The following LSM3 variants were observed in gnomAD, a reference collection of about 807,000 sequenced individuals.
LSM3 encodes LSM3 homolog, U6 small nuclear RNA and mRNA degradation associated.
LSM3 carries 14 observed loss-of-function variants against 15.4 expected under a neutral mutation model. That is an observed-to-expected ratio of 0.91 (90% confidence interval 0.60 to 1.42). The LOEUF is 1.42. LSM3 is among the 40% of genes most tolerant of loss of function. The pLI, the probability that LSM3 is intolerant of heterozygous loss-of-function variation, is 0.00. For missense variants in LSM3, 88 were observed against 127.9 expected, an observed-to-expected ratio of 0.69 and a Z score of 1.50; for synonymous variants, 46 against 45.1, an observed-to-expected ratio of 1.02 and a Z score of -0.08.
Position 14,180,484 on chromosome 3 carries a change from T to A in LSM3, c.22-1076T>A, listed in dbSNP as rs569913574. Among the ~76,000 whole-genome samples the A allele has an allele frequency of 3.3e-5, 5 of 152,236 alleles. No homozygotes were observed. The East Asian group carries it at 7.7e-4, about 24-fold the overall frequency. ...TTGTATTTTTCGTAGAGATGGGGTT[T>A]CACCATGTTGGCCAGGCTGGTCTCA... On this transcript the variant is annotated intron_variant, in intron 1 of 3. Coordinates refer to ENST00000306024, the MANE Select transcript of LSM3 (RefSeq NM_014463.3).
At chr3:14,197,045 C>T (rs1206783096) in intron 3 of LSM3, among the ~76,000 whole-genome samples, 1 of 152,202 alleles carries the variant, frequency 6.6e-6, no homozygotes, top group Non-Finnish European at 1.5e-5. Flanking sequence ...AAGACAACAC[C>T]CTTAATCTGA....
rs181005761 is a variant in LSM3, at chr3:14,193,557, C to G, written c.229-4479C>G. 3.3e-5 allele frequency among the ~76,000 whole-genome samples: 5 copies of G among 152,294 alleles called. No homozygotes were observed. The East Asian group carries it at 9.7e-4, about 29-fold the overall frequency. ...TCAATCACTGATGTCCTTTCTTCCACTTGATTGATTCAGCTATTGATACTT... is the reference window on the plus strand; with the variant it reads ...TCAATCACTGATGTCCTTTCTTCCAGTTGATTGATTCAGCTATTGATACTT... On this transcript the variant is annotated intron_variant, in intron 3 of 3. Coordinates refer to ENST00000306024, the MANE Select transcript of LSM3 (RefSeq NM_014463.3).
chr3:14,196,414 G>C (rs945015819), intron 3 of LSM3, among the ~76,000 whole-genome samples: 21 of 152,150 alleles, frequency 1.4e-4, no homozygotes, highest in African/African-American at 5.1e-4. Context: ...GGTTTTCTCC[G>C]TCAGACCACA....
intron 3 of LSM3, 80 bp from the exon 4 acceptor site, chr3:14,197,956 A>G (rs1291303003): frequency 3.2e-6 from 4 of 1,261,980 alleles, no homozygotes; most frequent in South Asian, 1.2e-5. Flanking sequence ...TGATGAATCC[A>G]TTTTTTAACA....
intron 2 of LSM3, among the ~76,000 whole-genome samples, chr3:14,182,976 C>T (rs1697054402): frequency 6.6e-6 from 1 of 152,196 alleles, no homozygotes; most frequent in Non-Finnish European, 1.5e-5. Flanking sequence ...CAATCTACAG[C>T]TGGCCTTAAA....
chr3:14,180,556 T>C (rs764645716), intron 1 of LSM3, among the ~76,000 whole-genome samples: 23 of 152,148 alleles, frequency 1.5e-4, no homozygotes, highest in Non-Finnish European at 2.5e-4. Flanking sequence ...CCCAAAGTGC[T>C]GGGATTCAAG....
intron 3 of LSM3, among the ~76,000 whole-genome samples, chr3:14,185,057 CAAAA>C (rs200964569): frequency 7.5e-6 from 1 of 132,586 alleles, no homozygotes; most frequent in South Asian, 2.4e-4. Flanking sequence ...AACGCTGTCT[CAAAA>C]AAAAAAAGGC....
Position 14,197,911 on chromosome 3 carries a change from G to C in LSM3, c.229-125G>C, listed in dbSNP as rs979495827. On this transcript the variant is annotated intron_variant, in intron 3 of 3. Coordinates refer to ENST00000306024, the MANE Select transcript of LSM3 (RefSeq NM_014463.3). ...TTGGTTCTTGGTGCTACCAAGGGAA[G>C]TGATCAGGTTTTTTAATCCAATTTT... is the stretch of plus-strand genomic sequence containing the variant. 3 of 725,180 alleles carry C rather than the reference G, an allele frequency of 4.1e-6. No individual in the cohort carries two copies. In the East Asian group the frequency reaches 8.0e-5, roughly 19 times the overall value. The allele number at this position is 725,180 out of a possible 1,614,324, so 44.9% of individuals were successfully genotyped here.
At chr3:14,191,972 T>C (rs943739257) in intron 3 of LSM3, among the ~76,000 whole-genome samples, 1 of 152,230 alleles carries the variant, frequency 6.6e-6, no homozygotes, top group Non-Finnish European at 1.5e-5. Flanking sequence ...GAGATTCTGG[T>C]ACGTTGTGTC....
At chr3:14,181,494 C>A in intron 1 of LSM3, 66 bp from the exon 2 acceptor site, 1 of 1,017,060 alleles carries the variant, frequency 9.8e-7, no homozygotes, top group Non-Finnish European at 1.6e-6. Flanking sequence ...GGTCACACAG[C>A]ATAGCAGTGA....
Position 14,184,618 on chromosome 3 carries a change from G to A in LSM3, c.228+586G>A, listed in dbSNP as rs189092774. On this transcript the variant is annotated intron_variant, in intron 3 of 3. Coordinates refer to ENST00000306024, the MANE Select transcript of LSM3 (RefSeq NM_014463.3). ...TAAAAATACAAAAAATTAGCCGGGC[G>A]TAGTGGCGGGCGCCTGTAGTCCCAG... Among the ~76,000 whole-genome samples the A allele has an allele frequency of 1.2e-4, 18 of 151,032 alleles. No individual in the cohort carries two copies. The East Asian group carries it at 1.8e-3, about 15-fold the overall frequency.
At chr3:14,181,846 C>A (rs1474325712) in intron 2 of LSM3, among the ~76,000 whole-genome samples, 176 bp downstream of exon 2, 2 of 152,126 alleles carry the variant, frequency 1.3e-5, no homozygotes, top group Non-Finnish European at 2.9e-5. Context: ...AACATTTTTT[C>A]TTTTAATAGA....
In LSM3 at chr3:14,198,322, A is replaced by G. The variant is rs1697204761; in HGVS notation, c.*206A>G. 1 of 534,688 alleles carries G rather than the reference A, an allele frequency of 1.9e-6. No homozygotes were observed. Among genetic ancestry groups the G allele is most frequent in the Non-Finnish European group, 3.3e-6 (1 of 302,074 alleles). 33.1% of individuals were successfully genotyped at this position (534,688 alleles called of 1,614,324 possible). A position where few individuals can be genotyped will look rare whatever the true frequency, so the allele number is the denominator to read the frequency against. On this transcript the variant is annotated 3_prime_UTR_variant, in exon 4 of 4. Transcript: ENST00000306024. The stretch of plus-strand genomic sequence containing the variant: ...ATTTTCATTTTTCTCAAGCTCTCCA[A>G]TAAATATGACCACCAAGATGCAGAA...
At chr3:14,195,949 G>GTTTTTTTTTT (rs58504064) in intron 3 of LSM3, among the ~76,000 whole-genome samples, 2 of 138,506 alleles carry the variant, frequency 1.4e-5, no homozygotes, top group African/African-American at 5.4e-5. Context: ...AGCTTTGTGA[G>GTTTTTTTTTT]TTTTTTTTTT....
At chr3:14,186,351 A>G (rs72624481) in intron 3 of LSM3, among the ~76,000 whole-genome samples, 6,892 of 152,304 alleles carry the variant, frequency 0.045, 357 homozygotes, top group East Asian at 0.22. Context: ...CTGTCTGTGG[A>G]TATGTTTCCT....
At position 14,199,667 on chromosome 3, in the gene LSM3, A is replaced by G. The variant is rs1697217095; in HGVS notation, c.*1551A>G. On this transcript the variant is annotated 3_prime_UTR_variant, in exon 4 of 4. Transcript: ENST00000306024. ...CCCTCCCTTCACTTGTGCCATCCCC[A>G]CGCTTTGTCCTTAAGCTGTAGTGGT... is the stretch of plus-strand genomic sequence containing the variant. 1 of 152,150 alleles carries G rather than the reference A, an allele frequency of 6.6e-6. No homozygotes were observed. The highest frequency in any genetic ancestry group is 6.5e-5 in the Admixed American group (1 of 15,274). The allele number at this position is 152,150 out of a possible 1,614,324, so 9.4% of individuals were successfully genotyped here. A position where few individuals can be genotyped will look rare whatever the true frequency, so the allele number is the denominator to read the frequency against.
chr3:14,183,913 T>A, intron 2 of LSM3, 24 bp from the exon 3 acceptor site: 1 of 1,525,200 alleles, frequency 6.6e-7, no homozygotes. Flanking sequence ...TTAAATTTCT[T>A]GGTTCTGTAC....
chr3:14,187,940 G>A (rs1045603709), intron 3 of LSM3, among the ~76,000 whole-genome samples: 1 of 152,186 alleles, frequency 6.6e-6, no homozygotes, highest in Non-Finnish European at 1.5e-5. Context: ...TCCATCATGT[G>A]TACTACCTTC....
intron 1 of LSM3, among the ~76,000 whole-genome samples, chr3:14,180,288 T>C (rs951995111): frequency 2.0e-5 from 3 of 152,090 alleles, no homozygotes; most frequent in East Asian, 1.9e-4. Context: ...CCTTTTTTTT[T>C]CTATTCTTTT....
Sources: allele counts gnomAD v4.1 joint callset (sites outside exome capture counted in the v4.1 genomes callset), GRCh38; gene constraint gnomAD v4.1.1; transcripts MANE v1.5; gene names NCBI Gene and HGNC (gene_info 2026-07-23, HGNC 2026-07-21).